The following ADGRL2 variants were observed in gnomAD, a reference collection of about 807,000 sequenced individuals.
ADGRL2 encodes calcium-independent alpha-latrotoxin receptor 2.
ADGRL2 carries 44 observed loss-of-function variants against 157.4 expected under a neutral mutation model. That is an observed-to-expected ratio of 0.28 (90% CI 0.22 to 0.36). ADGRL2 has a LOEUF of 0.36. Ranked by LOEUF, ADGRL2 falls within the 10% of genes least tolerant of loss-of-function variation. ADGRL2 has a pLI of 1.00. For synonymous variants in ADGRL2, 585 were observed against 624.7 expected (o/e 0.94, Z 0.95); for missense variants, 1,510 against 1,768.9 (o/e 0.85, Z 2.63).
At chr1:81,816,289 A>T (rs1276446313) in intron 1 of ADGRL2, among the ~76,000 whole-genome samples, 2 of 151,542 alleles carry the variant, frequency 1.3e-5, no homozygotes, top group African/African-American at 4.8e-5. Context: ...ATCACCATAA[A>T]CTCTTATGTA....
intron 1 of ADGRL2, among the ~76,000 whole-genome samples, chr1:81,743,073 G>A (rs1434688687): frequency 3.9e-5 from 6 of 151,950 alleles, no homozygotes; most frequent in Non-Finnish European, 8.8e-5. Context: ...AGGTAAGGAA[G>A]CTAAGAGACA....
chr1:81,533,635 CCAGAAG>C (rs2079659591), intron 2 of ADGRL2, among the ~76,000 whole-genome samples: 1 of 152,082 alleles, frequency 6.6e-6, no homozygotes, highest in Non-Finnish European at 1.5e-5. Flanking sequence ...ACTCTGAATT[CCAGAAG>C]CATTTAGATT....
intron 18 of ADGRL2, chr1:81,980,710 A>T (rs568621012): frequency 1.8e-6 from 1 of 558,092 alleles, no homozygotes; most frequent in Non-Finnish European, 3.4e-6. Flanking sequence ...GCTTCATTGC[A>T]TGTTGCATGG....
intron 1 of ADGRL2, among the ~76,000 whole-genome samples, chr1:81,760,721 CT>C (rs10715240): frequency 0.51 from 74,465 of 145,892 alleles, 19,131 homozygotes; most frequent in East Asian, 0.72. Context: ...CTTAAAAATA[CT>C]TTTTTTTTTT....
intron 3 of ADGRL2, among the ~76,000 whole-genome samples, chr1:81,602,270 G>T (rs1225156864): frequency 6.6e-6 from 1 of 152,006 alleles, no homozygotes; most frequent in South Asian, 2.1e-4. Context: ...GACCAGCCTG[G>T]CCCACATGAT....
At chr1:81,336,230 C>G (rs1278494206) in intron 1 of ADGRL2, among the ~76,000 whole-genome samples, 1 of 152,130 alleles carries the variant, frequency 6.6e-6, no homozygotes, top group African/African-American at 2.4e-5. Flanking sequence ...TTCTGGAAAC[C>G]TTTTGTGCAA....
chr1:81,450,705 C>G (rs1209971127), intron 2 of ADGRL2, among the ~76,000 whole-genome samples: 1 of 151,844 alleles, frequency 6.6e-6, no homozygotes, highest in Admixed American at 6.6e-5. Context: ...CCCATGAAGT[C>G]AGTGAATGTT....
chr1:81,353,431 T>G (rs989720950), intron 1 of ADGRL2, among the ~76,000 whole-genome samples: 9 of 152,224 alleles, frequency 5.9e-5, no homozygotes, highest in African/African-American at 2.2e-4. Flanking sequence ...GACAGAGTTC[T>G]GATGGCTGGG....
chr1:81,874,471 T>G (rs1460898352), intron 2 of ADGRL2, among the ~76,000 whole-genome samples: 1 of 152,162 alleles, frequency 6.6e-6, no homozygotes, highest in Non-Finnish European at 1.5e-5. Context: ...ATGAAATTAG[T>G]CATAAATTAA....
chr1:81,799,826 A>G (rs972507226), upstream of ADGRL2, among the ~76,000 whole-genome samples: 18 of 152,230 alleles, frequency 1.2e-4, no homozygotes, highest in Admixed American at 5.9e-4. Context: ...ATTCATTAGT[A>G]GAATCAGTGG....
chr1:81,545,824 A>T (rs2080002468), intron 2 of ADGRL2, among the ~76,000 whole-genome samples: 1 of 152,054 alleles, frequency 6.6e-6, no homozygotes, highest in Non-Finnish European at 1.5e-5. Flanking sequence ...ACTATCAATA[A>T]ACTCCAGTGC....
At chr1:81,938,115 C>CAG (rs1157383690) in intron 4 of ADGRL2, among the ~76,000 whole-genome samples, 1 of 151,732 alleles carries the variant, frequency 6.6e-6, no homozygotes, top group Non-Finnish European at 1.5e-5. Context: ...GATTGGAAGC[C>CAG]TACTGAGTAC....
At chr1:81,512,115 A>G (rs770866464) in intron 2 of ADGRL2, among the ~76,000 whole-genome samples, 13 of 152,210 alleles carry the variant, frequency 8.5e-5, no homozygotes, top group Non-Finnish European at 1.8e-4. Flanking sequence ...GTAGGCTGCT[A>G]TGCACAGTCT....
intron 1 of ADGRL2, among the ~76,000 whole-genome samples, chr1:81,347,398 C>CAA (rs891621745): frequency 7.1e-6 from 1 of 141,632 alleles, no homozygotes; most frequent in African/African-American, 2.6e-5. Flanking sequence ...GAGACTGTTT[C>CAA]AAAAAAAAAA....
At chr1:81,736,732 A>G (rs566696664) in intron 1 of ADGRL2, among the ~76,000 whole-genome samples, 31 of 152,320 alleles carry the variant, frequency 2.0e-4, no homozygotes, top group Admixed American at 3.9e-4. Flanking sequence ...GGATAAGTAG[A>G]TGAGGAATGA....
intron 2 of ADGRL2, among the ~76,000 whole-genome samples, chr1:81,788,203 A>G (rs1427419189): frequency 6.6e-6 from 1 of 152,184 alleles, no homozygotes; most frequent in Admixed American, 6.5e-5. Context: ...AGGGAGTAAG[A>G]AAGGGTGATA....
At chr1:81,862,543 C>T (rs2093420578) in intron 2 of ADGRL2, among the ~76,000 whole-genome samples, 1 of 152,074 alleles carries the variant, frequency 6.6e-6, no homozygotes, top group Non-Finnish European at 1.5e-5. Flanking sequence ...TTAATAAGAG[C>T]AGGTACCATG....
intron 3 of ADGRL2, among the ~76,000 whole-genome samples, chr1:81,909,239 A>G (rs979594824): frequency 2.6e-5 from 4 of 151,476 alleles, no homozygotes; most frequent in African/African-American, 9.7e-5. Flanking sequence ...GTTTTTTTTT[A>G]GTATTTAGTT....
At chr1:81,408,658 G>T (rs1460023892) in intron 1 of ADGRL2, among the ~76,000 whole-genome samples, 2 of 151,934 alleles carry the variant, frequency 1.3e-5, no homozygotes, top group Admixed American at 6.6e-5. Context: ...AAATATAACT[G>T]CCCCCAAGGG....
Sources: gnomAD v4.1 joint callset for allele counts (sites outside exome capture counted in the v4.1 genomes callset) on GRCh38, gnomAD v4.1.1 for gene constraint, MANE v1.5 for transcripts, NCBI Gene and HGNC (gene_info 2026-07-23, HGNC 2026-07-21) for gene names.